Variants in HYDIN observed in about 807,000 individuals in gnomAD.
The protein encoded by HYDIN is HYDIN axonemal central pair apparatus protein, also known as axonemal central pair apparatus protein HYDIN.
Under a neutral mutation model 403.9 loss-of-function variants are expected in HYDIN, and 132 were observed. That is an observed-to-expected ratio of 0.33 (90% CI 0.28 to 0.38). HYDIN has a LOEUF of 0.38. Ranked by LOEUF, HYDIN falls within the 10% of genes least tolerant of loss-of-function variation. HYDIN has a pLI of 1.00. For synonymous variants in HYDIN, 1,202 were observed against 1,891.7 expected, an observed-to-expected ratio of 0.64 and a Z score of 9.46; for missense variants, 2,827 against 5,009.5, an observed-to-expected ratio of 0.56 and a Z score of 13.15.
intron 75 of HYDIN, among the ~76,000 whole-genome samples, chr16:70,840,463 G>A (rs1437164641): frequency 6.6e-6 from 1 of 152,018 alleles, no homozygotes; most frequent in African/African-American, 2.4e-5. Context: ...CAATGATTCA[G>A]CTTGAAGGCT....
At chr16:71,192,441 A>G (rs1354517790) in intron 1 of HYDIN, among the ~76,000 whole-genome samples, 1 of 152,108 alleles carries the variant, frequency 6.6e-6, no homozygotes, top group Non-Finnish European at 1.5e-5. Context: ...TTTCGTCCGG[A>G]ACACTCTCCA....
rs967554519 is a variant in HYDIN at position 70,803,678 on chromosome 16, T to C, written c.*3902A>G. Among the ~76,000 whole-genome samples, 5 of 152,224 alleles carry C rather than the reference T, an allele frequency of 3.3e-5. No homozygotes were observed. Among genetic ancestry groups the C allele is most frequent in the Non-Finnish European group, 7.3e-5 (5 of 68,032 alleles). On this transcript the variant is annotated 3_prime_UTR_variant, in exon 86 of 86. Transcript: ENST00000393567. ...CAAAATCTTGAACTGTGCAAAGCAG[T>C]TTCTCCAACAGCAATGTAATTGTAG...
chr16:71,176,034 G>A (rs1216260778), intron 4 of HYDIN, among the ~76,000 whole-genome samples: 2 of 151,192 alleles, frequency 1.3e-5, no homozygotes, highest in Non-Finnish European at 2.9e-5. Flanking sequence ...TCAGCCAGGC[G>A]CAGTGGCTCA....
At chr16:70,885,003 G>A (rs1597219846) in intron 58 of HYDIN, among the ~76,000 whole-genome samples, 1 of 152,340 alleles carries the variant, frequency 6.6e-6, no homozygotes, top group East Asian at 1.9e-4. Context: ...GCATTGACAG[G>A]ACTTCATCTA....
chr16:71,052,541 T>C (rs573978737), intron 18 of HYDIN, among the ~76,000 whole-genome samples: 4 of 148,902 alleles, frequency 2.7e-5, no homozygotes, highest in Admixed American at 1.4e-4. Context: ...AGGACAGGGA[T>C]TGATTTCCTA....
chr16:71,019,965 C>T (rs1470412018), intron 22 of HYDIN, among the ~76,000 whole-genome samples: 4 of 152,260 alleles, frequency 2.6e-5, no homozygotes, highest in African/African-American at 9.6e-5. Flanking sequence ...CACTTACTAG[C>T]TGTGAGACCT....
At chr16:70,946,938 G>A (rs1458181273) in intron 41 of HYDIN, among the ~76,000 whole-genome samples, 3 of 151,976 alleles carry the variant, frequency 2.0e-5, no homozygotes, top group African/African-American at 7.3e-5. Context: ...GGAGATTTTG[G>A]GCTGAGACAA....
chr16:70,954,795 G>A (rs57011893), intron 40 of HYDIN, among the ~76,000 whole-genome samples: 2,879 of 152,258 alleles, frequency 0.019, 47 homozygotes, highest in Middle Eastern at 0.071. Context: ...TGTCCCAATA[G>A]CTCTTTTCCT....
intron 83 of HYDIN, among the ~76,000 whole-genome samples, chr16:70,820,813 TA>T (rs2143467799): frequency 6.6e-6 from 1 of 152,122 alleles, no homozygotes; most frequent in African/African-American, 2.4e-5. Flanking sequence ...CACACCCGTC[TA>T]ATTTTTGTAT....
At chr16:70,991,985 C>G in intron 24 of HYDIN, 85 bp downstream of exon 24, 3 of 1,593,820 alleles carry the variant, frequency 1.9e-6, no homozygotes, top group Non-Finnish European at 2.6e-6. Flanking sequence ...ATGAATGAAC[C>G]AATGAGGGAT....
intron 3 of HYDIN, among the ~76,000 whole-genome samples, chr16:71,180,189 T>G (rs886859325): frequency 2.0e-5 from 3 of 151,906 alleles, no homozygotes; most frequent in Non-Finnish European, 4.4e-5. Context: ...AGAATGGAAA[T>G]GGGAATATTA....
Position 70,818,426 on chromosome 16 carries a change from C to A in HYDIN, c.14574G>T (p.Leu4858=). ...CCGTGGAGAAGGTCACCGAGTAGGG[C>A]AGAGGGTTCTCCAACTTGATGGAGG... ...ASASIKLENP[L]PYSVTFSTEC... is the part of the protein sequence containing the mutation. The change falls in exon 84 of 86, where the codon CTG becomes CTT. Residue 4858 remains leucine, a synonymous_variant. Transcript: ENST00000393567. The A allele has an allele frequency of 6.2e-7, 1 of 1,612,568 alleles. No homozygotes were observed. Among genetic ancestry groups the A allele is most frequent in the South Asian group, 1.1e-5 (1 of 90,634 alleles).
intron 8 of HYDIN, among the ~76,000 whole-genome samples, chr16:71,130,470 G>GC (rs1244461507): frequency 1.6e-4 from 12 of 75,786 alleles, no homozygotes; most frequent in Admixed American, 4.9e-4. Flanking sequence ...ATATATACCG[G>GC]TTTTTTTTTT....
At chr16:70,919,310 CT>C (rs1016320742) in intron 46 of HYDIN, among the ~76,000 whole-genome samples, 1 of 152,108 alleles carries the variant, frequency 6.6e-6, no homozygotes, top group Non-Finnish European at 1.5e-5. Context: ...TGTTATAGTC[CT>C]TTTTTTAAAA....
chr16:71,220,246 A>C (rs2089130867), intron 1 of HYDIN, among the ~76,000 whole-genome samples: 3 of 152,196 alleles, frequency 2.0e-5, no homozygotes, highest in African/African-American at 4.8e-5. Context: ...TCTGCTGCTA[A>C]AGTGAAGAAA....
intron 10 of HYDIN, among the ~76,000 whole-genome samples, chr16:71,094,187 A>G (rs532556572): frequency 1.3e-5 from 2 of 152,280 alleles, no homozygotes; most frequent in South Asian, 4.1e-4. Context: ...CTGGAAAAAC[A>G]AAAGACATTC....
intron 28 of HYDIN, among the ~76,000 whole-genome samples, chr16:70,981,924 C>T (rs1021425048): frequency 6.6e-6 from 1 of 151,822 alleles, no homozygotes; most frequent in Admixed American, 6.6e-5. Context: ...GTCAGGAGAT[C>T]GAGACTATCC....
chr16:70,941,393 C>T (rs1190470287), intron 43 of HYDIN: 4 of 318,234 alleles, frequency 1.3e-5, no homozygotes, highest in African/African-American at 2.1e-5. Flanking sequence ...GGATGGGACC[C>T]GTAATGGCTG....
chr16:71,169,565 C>T (rs940980375), intron 5 of HYDIN, among the ~76,000 whole-genome samples: 1 of 152,116 alleles, frequency 6.6e-6, no homozygotes, highest in Admixed American at 6.5e-5. Context: ...ATAAGCCAGG[C>T]ATAAGAGGTA....
Sources: gnomAD v4.1 joint callset for allele counts (sites outside exome capture counted in the v4.1 genomes callset) on GRCh38, gnomAD v4.1.1 for gene constraint, MANE v1.5 for transcripts, NCBI Gene and HGNC (gene_info 2026-07-23, HGNC 2026-07-21) for gene names.